NR5A2: variants seen among roughly 807,000 people sequenced by gnomAD.
NR5A2 encodes nuclear receptor subfamily 5 group A member 2, also known as CYP7A promoter-binding factor.
NR5A2 carries 26 observed loss-of-function variants against 62.7 expected under a neutral mutation model. That is an observed-to-expected ratio of 0.41 (90% confidence interval 0.30 to 0.58). The LOEUF is 0.58. NR5A2 is among the 20% of genes least tolerant of loss of function. The pLI is 0.22. For missense variants in NR5A2, 541 were observed against 669.1 expected, an observed-to-expected ratio of 0.81 and a Z score of 2.11; for synonymous variants, 246 against 241.7, an observed-to-expected ratio of 1.02 and a Z score of -0.16.
intron 7 of NR5A2, among the ~76,000 whole-genome samples, chr1:200,151,349 C>T (rs1398684375): frequency 6.6e-6 from 1 of 152,192 alleles, no homozygotes; most frequent in East Asian, 1.9e-4. Context: ...GTCAGAGCAT[C>T]ATGTATTCTG....
intron 5 of NR5A2, among the ~76,000 whole-genome samples, chr1:200,049,958 A>T (rs1462220039): frequency 6.6e-6 from 1 of 152,352 alleles, no homozygotes; most frequent in African/African-American, 2.4e-5. Context: ...GGAAGCAAAA[A>T]AGTTACCTGA....
Position 200,080,406 on chromosome 1 carries a change from A to G in NR5A2, c.1111-30796A>G, listed in dbSNP as rs529639064. Among the ~76,000 whole-genome samples, 7 of 152,266 alleles carry G rather than the reference A, an allele frequency of 4.6e-5. 1 individual carries two copies. The South Asian group carries it at 1.5e-3, about 32-fold the overall frequency. ...ATGCTTTGATTTATAGTATTTTGAA[A>G]TTTAATTATTAACTCTGGTTTGAGA... On this transcript the variant is annotated intron_variant, in intron 5 of 7. Transcript: ENST00000367362.
At chr1:200,096,260 G>A (rs1188434614) in intron 5 of NR5A2, among the ~76,000 whole-genome samples, 5 of 152,040 alleles carry the variant, frequency 3.3e-5, no homozygotes, top group African/African-American at 9.7e-5. Flanking sequence ...ACTAATTTTT[G>A]TATTTTGAAT....
At chr1:200,063,995 A>G (rs1271206467) in intron 5 of NR5A2, among the ~76,000 whole-genome samples, 1 of 152,140 alleles carries the variant, frequency 6.6e-6, no homozygotes, top group African/African-American at 2.4e-5. Context: ...CTAAAAATAC[A>G]AAAAGTAGCT....
intron 7 of NR5A2, among the ~76,000 whole-genome samples, chr1:200,169,372 G>T (rs1050399675): frequency 2.0e-5 from 3 of 152,074 alleles, no homozygotes; most frequent in Admixed American, 2.0e-4. Context: ...CTCCATGTGA[G>T]CCTCACAGCC....
intron 5 of NR5A2, among the ~76,000 whole-genome samples, chr1:200,110,557 TAG>T (rs757545997): frequency 2.0e-5 from 3 of 152,146 alleles, no homozygotes; most frequent in Non-Finnish European, 4.4e-5. Context: ...AACTGAAGTT[TAG>T]AGAGTTTGTG....
At chr1:200,083,551 G>C (rs368934468) in intron 5 of NR5A2, among the ~76,000 whole-genome samples, 1 of 152,144 alleles carries the variant, frequency 6.6e-6, no homozygotes, top group Non-Finnish European at 1.5e-5. Flanking sequence ...GAAAGGCTTC[G>C]CCATGTGTGT....
chr1:200,104,536 C>A (rs950121486), intron 5 of NR5A2, among the ~76,000 whole-genome samples: 1 of 151,820 alleles, frequency 6.6e-6, no homozygotes, highest in Admixed American at 6.6e-5. Flanking sequence ...ATCATTGTTA[C>A]AAAAAGAGAT....
chr1:200,051,312 AG>A (rs1662620549), intron 5 of NR5A2, among the ~76,000 whole-genome samples: 1 of 152,232 alleles, frequency 6.6e-6, no homozygotes, highest in South Asian at 2.1e-4. Flanking sequence ...AAATACAGCT[AG>A]CGGCTGTAAG....
At chr1:200,102,516 C>T (rs1216360953) in intron 5 of NR5A2, among the ~76,000 whole-genome samples, 1 of 152,190 alleles carries the variant, frequency 6.6e-6, no homozygotes, top group Non-Finnish European at 1.5e-5. Context: ...TATTCGTTCA[C>T]TTTACACCTA....
At chr1:200,128,668 G>T (rs1666833303) in intron 7 of NR5A2, among the ~76,000 whole-genome samples, 1 of 152,152 alleles carries the variant, frequency 6.6e-6, no homozygotes, top group South Asian at 2.1e-4. Context: ...CTAAGATTTA[G>T]GTGGACGAGC....
intron 7 of NR5A2, among the ~76,000 whole-genome samples, chr1:200,129,935 G>A (rs565007121): frequency 6.6e-6 from 1 of 152,302 alleles, no homozygotes; most frequent in South Asian, 2.1e-4. Flanking sequence ...GAGTCTGAGT[G>A]CTCCCTTCCC....
intron 5 of NR5A2, among the ~76,000 whole-genome samples, chr1:200,079,682 A>G (rs539950275): frequency 6.6e-6 from 1 of 152,350 alleles, no homozygotes; most frequent in South Asian, 2.1e-4. Context: ...GCTCCCATAC[A>G]TAAAAATTTT....
intron 7 of NR5A2, among the ~76,000 whole-genome samples, chr1:200,134,195 GAAA>G (rs1409867334): frequency 6.6e-6 from 1 of 152,018 alleles, no homozygotes; most frequent in Non-Finnish European, 1.5e-5. Flanking sequence ...ACTGAAGAAA[GAAA>G]AATATTTTTT....
intron 7 of NR5A2, among the ~76,000 whole-genome samples, chr1:200,145,215 C>A (rs1391008322): frequency 6.6e-6 from 1 of 152,126 alleles, no homozygotes; most frequent in Non-Finnish European, 1.5e-5. Context: ...GAGGCTGAGG[C>A]AGGAGAATCG....
chr1:200,062,778 C>T (rs1441029365), intron 5 of NR5A2, among the ~76,000 whole-genome samples: 5 of 152,148 alleles, frequency 3.3e-5, no homozygotes, highest in African/African-American at 1.2e-4. Context: ...AAAAGCTCTA[C>T]TGCTAAAAAC....
chr1:200,117,165 G>T (rs757244313), intron 6 of NR5A2, among the ~76,000 whole-genome samples: 1 of 152,134 alleles, frequency 6.6e-6, no homozygotes. Context: ...ACATGTAAGA[G>T]AGCAAAAAAT....
intron 5 of NR5A2, among the ~76,000 whole-genome samples, chr1:200,088,350 C>T (rs182349754): frequency 2.6e-5 from 4 of 151,936 alleles, no homozygotes; most frequent in East Asian, 3.9e-4. Context: ...CTCCACCTCC[C>T]GGGTTCAAGT....
intron 6 of NR5A2, among the ~76,000 whole-genome samples, chr1:200,115,615 C>G (rs2816973): frequency 0.42 from 63,690 of 151,952 alleles, 13,849 homozygotes; most frequent in East Asian, 0.68. Context: ...TTAGACACAG[C>G]TCTGCAGCCA....
Sources: gnomAD v4.1 joint callset for allele counts (sites outside exome capture counted in the v4.1 genomes callset) on GRCh38, gnomAD v4.1.1 for gene constraint, MANE v1.5 for transcripts, NCBI Gene and HGNC (gene_info 2026-07-23, HGNC 2026-07-21) for gene names.